DLGAP2: variants seen among roughly 807,000 people sequenced by gnomAD.
DLGAP2 encodes the protein disks large-associated protein 2.
A neutral mutation model predicts 100.3 loss-of-function variants in DLGAP2; 26 were observed. The observed-to-expected ratio is 0.26, with a 90% confidence interval of 0.19 to 0.36. The LOEUF is 0.36. DLGAP2 is among the 10% of genes least tolerant of loss of function. DLGAP2 has a pLI of 1.00. For missense variants in DLGAP2, 1,858 were observed against 1,453.2 expected, an observed-to-expected ratio of 1.28 and a Z score of -4.53; for synonymous variants, 886 against 630.1, an observed-to-expected ratio of 1.41 and a Z score of -6.08.
chr8:1,583,257 T>C lies in DLGAP2; in HGVS notation c.1442+17363T>C, dbSNP rs548995532. Among the ~76,000 whole-genome samples, 16 of 152,190 alleles carry C rather than the reference T, an allele frequency of 1.1e-4. No homozygotes were observed. In the East Asian group the frequency reaches 3.1e-3, roughly 29 times the overall value. ...TCTTCTCCCTCCCATCTGCCATGGG[T>C]TGGGTGAGGTGATCAAGTGAGTAAC... is the stretch of plus-strand genomic sequence containing the variant. On this transcript the variant is annotated intron_variant, in intron 6 of 14. Transcript: ENST00000637795.
chr8:1,693,850 C>A (rs1799313907), intron 13 of DLGAP2, among the ~76,000 whole-genome samples: 1 of 152,188 alleles, frequency 6.6e-6, no homozygotes, highest in South Asian at 2.1e-4. Flanking sequence ...TGTAAACATT[C>A]AGCTGCCATG....
chr8:1,184,388 A>G (rs182050943), intron 2 of DLGAP2, among the ~76,000 whole-genome samples: 1 of 152,236 alleles, frequency 6.6e-6, no homozygotes, highest in Admixed American at 6.5e-5. Flanking sequence ...CCGCAAGCTC[A>G]TGTCTTCCTT....
chr8:1,184,507 C>T (rs931083632), intron 2 of DLGAP2, among the ~76,000 whole-genome samples: 6 of 152,288 alleles, frequency 3.9e-5, no homozygotes, highest in South Asian at 4.2e-4. Context: ...GGGGTGCACG[C>T]GCTGTTCTCA....
intron 2 of DLGAP2, among the ~76,000 whole-genome samples, chr8:1,232,525 G>C (rs909925073): frequency 3.2e-4 from 48 of 152,226 alleles, no homozygotes; most frequent in African/African-American, 1.2e-3. Flanking sequence ...TTGCATCACT[G>C]TGCTGGGCTG....
At chr8:1,105,479 G>A (rs1563194649) in intron 2 of DLGAP2, among the ~76,000 whole-genome samples, 1 of 152,148 alleles carries the variant, frequency 6.6e-6, no homozygotes, top group South Asian at 2.1e-4. Flanking sequence ...TTCTCTGATG[G>A]TGGGAGATGC....
At chr8:811,814 A>G (rs1172727428) in intron 1 of DLGAP2, among the ~76,000 whole-genome samples, 1 of 152,272 alleles carries the variant, frequency 6.6e-6, no homozygotes, top group Non-Finnish European at 1.5e-5. Context: ...ATCAAAGGAT[A>G]TAAGGGGAAG....
At chr8:1,327,643 G>T (rs1406246735) in intron 3 of DLGAP2, among the ~76,000 whole-genome samples, 1 of 152,118 alleles carries the variant, frequency 6.6e-6, no homozygotes, top group Non-Finnish European at 1.5e-5. Context: ...AGGAGATCGA[G>T]ACCATCCTGA....
chr8:1,147,068 T>G (rs1402582432), intron 2 of DLGAP2, among the ~76,000 whole-genome samples: 1 of 152,226 alleles, frequency 6.6e-6, no homozygotes, highest in African/African-American at 2.4e-5. Context: ...AATCCGTAAA[T>G]TAAAATTTGG....
chr8:1,006,951 A>G (rs1801131856), intron 2 of DLGAP2, among the ~76,000 whole-genome samples: 1 of 151,320 alleles, frequency 6.6e-6, no homozygotes. Context: ...GTCCTTTATC[A>G]CGTCGGGGAC....
chr8:958,739 G>C (rs1484040515), intron 2 of DLGAP2, among the ~76,000 whole-genome samples: 3 of 152,092 alleles, frequency 2.0e-5, no homozygotes, highest in African/African-American at 7.2e-5. Flanking sequence ...AGTTTCAGTA[G>C]TTTAGTTGAA....
chr8:926,595 G>A (rs1203209125), intron 2 of DLGAP2, among the ~76,000 whole-genome samples: 3 of 152,248 alleles, frequency 2.0e-5, no homozygotes, highest in Non-Finnish European at 4.4e-5. Context: ...GAGGAGAGCG[G>A]CAGGTTTCAC....
intron 1 of DLGAP2, among the ~76,000 whole-genome samples, chr8:769,125 C>T (rs1404740161): frequency 3.3e-5 from 5 of 152,004 alleles, no homozygotes; most frequent in Admixed American, 6.6e-5. Flanking sequence ...GTGAGCAGCT[C>T]GGATCTCTAG....
At chr8:911,117 T>C (rs1475650048) in intron 2 of DLGAP2, among the ~76,000 whole-genome samples, 1 of 152,160 alleles carries the variant, frequency 6.6e-6, no homozygotes, top group Non-Finnish European at 1.5e-5. Context: ...TAAAGTTTTA[T>C]AGCCAGGTGT....
rs371815293 is a variant in DLGAP2 at position 1,168,637 on chromosome 8, G to A, written c.74-90214G>A. Among the ~76,000 whole-genome samples the A allele has an allele frequency of 7.4e-5, 11 of 148,040 alleles. No individual in the cohort carries two copies. In the South Asian group the frequency reaches 1.7e-3, roughly 23 times the overall value. On this transcript the variant is annotated intron_variant, in intron 2 of 14. Transcript: ENST00000637795. ...TGCATTTCTCTGATGGCCAGTGATG[G>A]TGAGCATTTTTTCATGTGTTTTTTG...
intron 5 of DLGAP2, among the ~76,000 whole-genome samples, chr8:1,564,702 G>A (rs1802325795): frequency 6.6e-6 from 1 of 152,230 alleles, no homozygotes; most frequent in African/African-American, 2.4e-5. Context: ...ATACCACACA[G>A]ATATATAACA....
chr8:1,480,603 A>C (rs1181734011), intron 3 of DLGAP2, among the ~76,000 whole-genome samples: 1 of 152,164 alleles, frequency 6.6e-6, no homozygotes, highest in African/African-American at 2.4e-5. Flanking sequence ...TAATCCCAGC[A>C]CTTTGGGAGG....
At chr8:1,451,120 C>T (rs1584917501) in intron 3 of DLGAP2, among the ~76,000 whole-genome samples, 1 of 152,208 alleles carries the variant, frequency 6.6e-6, no homozygotes, top group Middle Eastern at 3.4e-3. Flanking sequence ...TTCTGTGGGC[C>T]ATGGGTGGGA....
At chr8:1,334,654 G>T (rs1181969325) in intron 3 of DLGAP2, among the ~76,000 whole-genome samples, 2 of 152,098 alleles carry the variant, frequency 1.3e-5, no homozygotes, top group Non-Finnish European at 1.5e-5. Flanking sequence ...GGGATGACCA[G>T]TGTGGCATCC....
chr8:1,516,227 ATGAG>A (rs1012435569), intron 4 of DLGAP2, among the ~76,000 whole-genome samples: 7 of 151,512 alleles, frequency 4.6e-5, no homozygotes, highest in Admixed American at 3.9e-4. Flanking sequence ...GAGTGAGTGA[ATGAG>A]TGAGTTACTG....
Sources: allele counts gnomAD v4.1 joint callset (sites outside exome capture counted in the v4.1 genomes callset), GRCh38; gene constraint gnomAD v4.1.1; transcripts MANE v1.5; gene names NCBI Gene and HGNC (gene_info 2026-07-23, HGNC 2026-07-21).